CCNYL1: variants seen among roughly 807,000 people sequenced by gnomAD.
CCNYL1 encodes cyclin-Y-like protein 1.
A neutral mutation model predicts 44.2 loss-of-function variants in CCNYL1; 16 were observed. The observed-to-expected ratio is 0.36, with a 90% CI of 0.25 to 0.55. The LOEUF (loss-of-function observed/expected upper bound fraction) is 0.55, where lower values mean the gene tolerates loss of function less well. Ranked by LOEUF, CCNYL1 falls within the 20% of genes least tolerant of loss-of-function variation. The pLI, the probability that CCNYL1 is intolerant of heterozygous loss-of-function variation, is 0.85. For missense variants in CCNYL1, 348 were observed against 451.8 expected (o/e 0.77, Z 2.08); for synonymous variants, 159 against 163.2 (o/e 0.97, Z 0.20).
intron 5 of CCNYL1, among the ~76,000 whole-genome samples, chr2:207,737,912 A>C (rs2091777822): frequency 6.6e-6 from 1 of 152,192 alleles, no homozygotes; most frequent in East Asian, 1.9e-4. Context: ...TACAACAACG[A>C]AGTTGAGTAA....
At chr2:207,720,004 A>G (rs1327694045) in intron 1 of CCNYL1, among the ~76,000 whole-genome samples, 1 of 152,092 alleles carries the variant, frequency 6.6e-6, no homozygotes, top group East Asian at 1.9e-4. Context: ...CCTGGCCAAC[A>G]TGGTGAAACC....
chr2:207,742,079 G>T, intron 6 of CCNYL1, 144 bp from the exon 7 acceptor site: 1 of 646,644 alleles, frequency 1.5e-6, no homozygotes, highest in East Asian at 3.0e-5. Context: ...TAAACCCGGG[G>T]GGTAGAGGTT....
intron 1 of CCNYL1, among the ~76,000 whole-genome samples, chr2:207,723,065 G>A (rs910232324): frequency 3.3e-5 from 5 of 151,984 alleles, no homozygotes; most frequent in African/African-American, 9.7e-5. Context: ...AAATTGTCAC[G>A]TCATCTTTTC....
chr2:207,714,526 A>G (rs1167756150), intron 1 of CCNYL1: 1 of 289,520 alleles, frequency 3.5e-6, no homozygotes, highest in African/African-American at 2.3e-5. Flanking sequence ...AAAATGGCCT[A>G]AATATACCCA....
intron 1 of CCNYL1, among the ~76,000 whole-genome samples, chr2:207,722,463 AG>A (rs1482707052): frequency 2.6e-5 from 4 of 151,114 alleles, no homozygotes; most frequent in Non-Finnish European, 5.9e-5. Flanking sequence ...GGGGCGGGGG[AG>A]GTGTGTGTGT....
chr2:207,721,116 G>T (rs2091637255), intron 1 of CCNYL1, among the ~76,000 whole-genome samples: 1 of 152,120 alleles, frequency 6.6e-6, no homozygotes, highest in African/African-American at 2.4e-5. Context: ...TTGTGTTATG[G>T]ACCGTAAGAC....
chr2:207,713,230 C>G (rs1236805092), intron 1 of CCNYL1, among the ~76,000 whole-genome samples: 1 of 152,144 alleles, frequency 6.6e-6, no homozygotes, highest in African/African-American at 2.4e-5. Context: ...CCTCCTTGTT[C>G]TAAAAGAGAG....
chr2:207,716,664 CT>C (rs2091597921), intron 1 of CCNYL1, among the ~76,000 whole-genome samples: 1 of 152,158 alleles, frequency 6.6e-6, no homozygotes, highest in Non-Finnish European at 1.5e-5. Context: ...GATTGGGCAT[CT>C]TTTCTAGTAA....
chr2:207,718,385 A>G (rs897932796), intron 1 of CCNYL1, among the ~76,000 whole-genome samples: 3 of 151,944 alleles, frequency 2.0e-5, no homozygotes, highest in African/African-American at 7.2e-5. Flanking sequence ...GCACACACCC[A>G]TAGTCCCAGC....
At chr2:207,719,412 T>G (rs1039408938) in intron 1 of CCNYL1, among the ~76,000 whole-genome samples, 2 of 150,686 alleles carry the variant, frequency 1.3e-5, no homozygotes, top group African/African-American at 4.8e-5. Context: ...GCAGTTCTAA[T>G]GCCTCAGCCT....
At chr2:207,733,240 TAA>T (rs2105829430) in intron 3 of CCNYL1, among the ~76,000 whole-genome samples, 2 of 152,326 alleles carry the variant, frequency 1.3e-5, no homozygotes, top group East Asian at 3.9e-4. Flanking sequence ...ATAAAATTAA[TAA>T]CATTTTGAAA....
chr2:207,712,172 C>G (rs1340354072), intron 1 of CCNYL1, 56 bp downstream of exon 1: 1 of 1,467,048 alleles, frequency 6.8e-7, no homozygotes, highest in Non-Finnish European at 9.3e-7. Flanking sequence ...CGCCTCCTCC[C>G]CCAGAGTCCC....
At chr2:207,741,256 A>G (rs570692816) in intron 6 of CCNYL1, among the ~76,000 whole-genome samples, 3 of 152,128 alleles carry the variant, frequency 2.0e-5, no homozygotes, top group Non-Finnish European at 4.4e-5. Context: ...CCATCTCAAA[A>G]AAAAAAAATT....
chr2:207,751,854 CAAAAA>C (rs147183127), intron 9 of CCNYL1, among the ~76,000 whole-genome samples: 3 of 94,534 alleles, frequency 3.2e-5, no homozygotes, highest in Admixed American at 1.1e-4. Context: ...AACTCCATCT[CAAAAA>C]AAAAAAAAAA....
intron 4 of CCNYL1, among the ~76,000 whole-genome samples, chr2:207,734,487 A>T (rs1336606639): frequency 6.6e-6 from 1 of 152,152 alleles, no homozygotes; most frequent in Non-Finnish European, 1.5e-5. Context: ...CTGCATTTAC[A>T]TTTTCCCTGT....
At chr2:207,713,826 AATTG>A (rs1213301523) in intron 1 of CCNYL1, among the ~76,000 whole-genome samples, 1 of 152,188 alleles carries the variant, frequency 6.6e-6, no homozygotes, top group Non-Finnish European at 1.5e-5. Context: ...TATGTGAGTT[AATTG>A]ATTGTACCTT....
rs554022435 is a variant in CCNYL1 at position 207,739,104 on chromosome 2, G to C, written c.468-1551G>C. Among the ~76,000 whole-genome samples the C allele has an allele frequency of 5.3e-5, 8 of 152,194 alleles. No homozygotes were observed. The South Asian group carries it at 1.2e-3, about 24-fold the overall frequency. ...TTAAAAAATCTTTAAGTATTGAGAAGCTGTTAAACTCACATAATAAGGTAC... is the reference window on the plus strand; with the variant it reads ...TTAAAAAATCTTTAAGTATTGAGAACCTGTTAAACTCACATAATAAGGTAC... On this transcript the variant is annotated intron_variant, in intron 5 of 9. Transcript: ENST00000295414.
At chr2:207,741,713 G>A (rs1018108872) in intron 6 of CCNYL1, among the ~76,000 whole-genome samples, 1 of 151,894 alleles carries the variant, frequency 6.6e-6, no homozygotes. Context: ...GGACATGTTG[G>A]TGCACGCCTG....
At chr2:207,747,375 A>T (rs1344585731) in intron 8 of CCNYL1, among the ~76,000 whole-genome samples, 162 bp downstream of exon 8, 1 of 151,916 alleles carries the variant, frequency 6.6e-6, no homozygotes, top group East Asian at 1.9e-4. Flanking sequence ...TTCACAATAG[A>T]GCAAGACTGT....
Sources: allele counts gnomAD v4.1 joint callset (sites outside exome capture counted in the v4.1 genomes callset), GRCh38; gene constraint gnomAD v4.1.1; transcripts MANE v1.5; gene names NCBI Gene and HGNC (gene_info 2026-07-23, HGNC 2026-07-21).